Variants in MAP3K2 observed in about 807,000 individuals in gnomAD.
MAP3K2 encodes the protein MAP/ERK kinase kinase 2.
In MAP3K2, 24 loss-of-function variants were observed where a neutral mutation model predicts 80.3. That is an observed-to-expected ratio of 0.30 (90% CI 0.22 to 0.42). The LOEUF is 0.42. Among genes scored for constraint, MAP3K2 ranks in the 10% least tolerant of loss-of-function variants. The pLI is 1.00. For missense variants in MAP3K2, 608 were observed against 750.1 expected, an observed-to-expected ratio of 0.81 and a Z score of 2.21; for synonymous variants, 244 against 253.7, an observed-to-expected ratio of 0.96 and a Z score of 0.36.
intron 1 of MAP3K2, among the ~76,000 whole-genome samples, chr2:127,348,252 G>C (rs1382734617): frequency 6.6e-6 from 1 of 152,046 alleles, no homozygotes; most frequent in Non-Finnish European, 1.5e-5. Flanking sequence ...GCTGGGCATG[G>C]TGGCAGGAGC....
chr2:127,343,487 T>C (rs1391085737), intron 1 of MAP3K2, among the ~76,000 whole-genome samples: 1 of 152,146 alleles, frequency 6.6e-6, no homozygotes, highest in African/African-American at 2.4e-5. Flanking sequence ...AAATCCAAGT[T>C]CTCAGGTGTC....
At position 127,324,647 on chromosome 2, in the gene MAP3K2, T is replaced by C. The variant is rs75265331; in HGVS notation, c.678-406A>G. Among the ~76,000 whole-genome samples the C allele has an allele frequency of 4.8e-3, 725 of 152,322 alleles. 18 individuals carry two copies. Among genetic ancestry groups the C allele is most frequent in the East Asian group, 0.038 (198 of 5,188 alleles). On this transcript the variant is annotated intron_variant, in intron 9 of 16. Coordinates refer to ENST00000682094, the MANE Select transcript of MAP3K2 (RefSeq NM_001371910.2). ...TTTGCAAATGGTAAGTACTCAAATA[T>C]ATAGCTTTCTCGTTACTACTTCCCT... is the stretch of plus-strand genomic sequence containing the variant.
intron 5 of MAP3K2, among the ~76,000 whole-genome samples, chr2:127,330,834 G>C (rs527504702): frequency 3.3e-5 from 5 of 152,204 alleles, no homozygotes; most frequent in African/African-American, 1.2e-4. Flanking sequence ...AAAGAATGAA[G>C]AAGTACAGAC....
intron 1 of MAP3K2, among the ~76,000 whole-genome samples, chr2:127,363,355 A>C (rs1474357282): frequency 6.6e-6 from 1 of 152,238 alleles, no homozygotes; most frequent in African/African-American, 2.4e-5. Context: ...CTAAAAATTA[A>C]AAATCCTTCC....
chr2:127,299,520 CTT>C lies in MAP3K2; in HGVS notation c.*8057_*8058del, dbSNP rs912445366. The C allele has an allele frequency of 5.3e-5, 8 of 152,144 alleles. No homozygotes were observed. The highest frequency in any genetic ancestry group is 1.7e-4 in the African/African-American group (7 of 41,442). The allele number at this position is 152,144 out of a possible 1,614,324, so 9.4% of individuals were successfully genotyped here. A position where few individuals can be genotyped will look rare whatever the true frequency, so the allele number is the denominator to read the frequency against. ...CAATAGCAACTGGAGATAGAAAAAT[CTT>C]GACATCTCGAGACAATTTAGTTTCT... On this transcript the variant is annotated 3_prime_UTR_variant, in exon 17 of 17. Transcript: ENST00000682094.
In MAP3K2 at chr2:127,322,352, G is replaced by C. The variant is rs1686041818; in HGVS notation, c.839-100C>G. The C allele has an allele frequency of 6.8e-6, 5 of 734,602 alleles. No homozygotes were observed. Among genetic ancestry groups the C allele is most frequent in the Non-Finnish European group, 1.1e-5 (5 of 458,306 alleles). 45.5% of individuals were successfully genotyped at this position (734,602 alleles called of 1,614,324 possible). ...TGTAGAGAATAGAAATTTGTCCTGTGACTAGGCTAAGAAACTCAAATAGGA... is the reference window on the plus strand; with the variant it reads ...TGTAGAGAATAGAAATTTGTCCTGTCACTAGGCTAAGAAACTCAAATAGGA... On this transcript the variant is annotated intron_variant, in intron 11 of 16. Coordinates refer to ENST00000682094, the MANE Select transcript of MAP3K2 (RefSeq NM_001371910.2). This position sits in a 1 kb window ranked among gnomAD's most constrained non-coding sequence, Gnocchi z 4.2.
chr2:127,330,299 G>T lies in MAP3K2; in HGVS notation c.378+93C>A, dbSNP rs1419538120. The T allele has an allele frequency of 6.4e-6, 4 of 620,702 alleles. No individual in the cohort carries two copies. In the East Asian group the frequency reaches 8.7e-5, roughly 14 times the overall value. 38.4% of individuals were successfully genotyped at this position (620,702 alleles called of 1,614,324 possible). ...TACATTTAATCATAATGAAAATATTGCAATGATTATAGAATATAATTATGT... is the reference window on the plus strand; with the variant it reads ...TACATTTAATCATAATGAAAATATTTCAATGATTATAGAATATAATTATGT... On this transcript the variant is annotated intron_variant, in intron 6 of 16. Coordinates refer to ENST00000682094, the MANE Select transcript of MAP3K2 (RefSeq NM_001371910.2).
chr2:127,365,480 C>T (rs983251291), intron 1 of MAP3K2, among the ~76,000 whole-genome samples: 3 of 152,166 alleles, frequency 2.0e-5, no homozygotes, highest in Non-Finnish European at 4.4e-5. Flanking sequence ...GCCCAAAGAG[C>T]AAAAGACTTT....
intron 1 of MAP3K2, among the ~76,000 whole-genome samples, chr2:127,352,562 T>TCTAGACAGA (rs1199908830): frequency 1.3e-5 from 2 of 152,180 alleles, no homozygotes; most frequent in Admixed American, 6.5e-5. Flanking sequence ...GTATCTCCAA[T>TCTAGACAGA]CTAGACAGAG....
chr2:127,342,388 G>GTT (rs3223159), intron 2 of MAP3K2, among the ~76,000 whole-genome samples: 1 of 147,744 alleles, frequency 6.8e-6, no homozygotes, highest in Non-Finnish European at 1.5e-5. Context: ...TCTTCATGAG[G>GTT]GTGTGTGTGT....
intron 7 of MAP3K2, among the ~76,000 whole-genome samples, chr2:127,328,240 A>C (rs1686183276): frequency 6.6e-6 from 1 of 152,226 alleles, no homozygotes; most frequent in African/African-American, 2.4e-5. Flanking sequence ...GCGCCACTGT[A>C]CTCCAGCCTG....
chr2:127,367,747 C>A (rs926798870), intron 1 of MAP3K2, among the ~76,000 whole-genome samples: 3 of 152,010 alleles, frequency 2.0e-5, no homozygotes, highest in African/African-American at 4.8e-5. Flanking sequence ...GAGCCAAGAT[C>A]GCACCACTGC....
In MAP3K2 at chr2:127,322,149, G is replaced by A; in HGVS notation, c.942C>T (p.Ser314=). The A allele has an allele frequency of 1.2e-6, 2 of 1,613,594 alleles. No individual in the cohort carries two copies. The highest frequency in any genetic ancestry group is 1.7e-6 in the Non-Finnish European group (2 of 1,179,596). ...TDHSLSTSSG[S]SIFTPEYDDS... is the part of the protein sequence containing the mutation. Reference sequence around the variant, plus strand: ...CATCATACTCTGGGGTAAAGATACTGCTTCCACTACTAGTGCTTAAGGAAT... The same window carrying A: ...CATCATACTCTGGGGTAAAGATACTACTTCCACTACTAGTGCTTAAGGAAT... Residue 314 remains serine, a synonymous_variant, in exon 12 of 17, where the codon AGC becomes AGT. Coordinates refer to ENST00000682094, the MANE Select transcript of MAP3K2 (RefSeq NM_001371910.2). This position sits in a 1 kb window ranked among gnomAD's most constrained non-coding sequence, Gnocchi z 4.2.
intron 14 of MAP3K2, among the ~76,000 whole-genome samples, chr2:127,316,298 C>T (rs558632730): frequency 1.7e-3 from 261 of 152,282 alleles, no homozygotes; most frequent in African/African-American, 5.8e-3. Flanking sequence ...TGCTTGAACC[C>T]AGGAGACGGA....
chr2:127,388,032 G>C (rs1438493038), upstream of MAP3K2: 1 of 982,990 alleles, frequency 1.0e-6, no homozygotes, highest in African/African-American at 1.8e-5. Flanking sequence ...GCACCCCTCC[G>C]CCCGGCGGTA....
At position 127,364,355 on chromosome 2, in the gene MAP3K2, T is replaced by C. The variant is rs1013561704; in HGVS notation, c.-65-21161A>G. On this transcript the variant is annotated intron_variant, in intron 1 of 16. Transcript: ENST00000682094. The surrounding 1 kb of genome is among the most constrained non-coding windows in gnomAD (Gnocchi z 4.1). ...ACTACGAAGTGTTCCATATGCCTTA[T>C]TGATAGCTACTTTTTGTCTCTGTGC... Among the ~76,000 whole-genome samples the C allele has an allele frequency of 3.5e-4, 54 of 152,374 alleles. No homozygotes were observed. The highest frequency in any genetic ancestry group is 1.1e-3 in the African/African-American group (45 of 41,584).
chr2:127,305,467 C>G lies in MAP3K2; in HGVS notation c.*2112G>C, dbSNP rs1685678580. 1 of 152,070 alleles carries G rather than the reference C, an allele frequency of 6.6e-6. No individual in the cohort carries two copies. Among genetic ancestry groups the G allele is most frequent in the South Asian group, 2.1e-4 (1 of 4,822 alleles). 9.4% of individuals were successfully genotyped at this position (152,070 alleles called of 1,614,324 possible). On this transcript the variant is annotated 3_prime_UTR_variant, in exon 17 of 17. Transcript: ENST00000682094. ...TTTGTGCTTTGACTTCTTAGACTAG[C>G]TAGTGGAATTTCAAATATTCCTACA...
chr2:127,313,886 A>G (rs370096939), intron 15 of MAP3K2, among the ~76,000 whole-genome samples: 24 of 152,036 alleles, frequency 1.6e-4, no homozygotes, highest in East Asian at 7.7e-4. Flanking sequence ...CCCAGGCTGG[A>G]CTTGAACTCC....
upstream of MAP3K2, chr2:127,388,062 C>T (rs1173554858): frequency 2.0e-6 from 2 of 983,612 alleles, no homozygotes; most frequent in South Asian, 4.7e-5. Flanking sequence ...GCCGCGGGCG[C>T]GCGCCCGGCC....
Sources: allele counts gnomAD v4.1 joint callset (sites outside exome capture counted in the v4.1 genomes callset), GRCh38; gene constraint gnomAD v4.1.1; non-coding constraint Gnocchi (gnomAD v3.1); transcripts MANE v1.5; gene names NCBI Gene and HGNC (gene_info 2026-07-23, HGNC 2026-07-21).